The following MYLIP variants were observed in gnomAD, a reference collection of about 807,000 sequenced individuals.
The protein encoded by MYLIP is E3 ubiquitin-protein ligase MYLIP.
MYLIP carries 26 observed loss-of-function variants against 45.8 expected under a neutral mutation model. The ratio of observed to expected loss-of-function variants is 0.57; its 90% confidence interval spans 0.42 to 0.79. The LOEUF (loss-of-function observed/expected upper bound fraction) is 0.79. Ranked by LOEUF, MYLIP falls within the 30% of genes least tolerant of loss-of-function variation. The pLI, the probability that MYLIP is intolerant of heterozygous loss-of-function variation, is 0.00. For missense variants in MYLIP, 494 were observed against 555.6 expected, an observed-to-expected ratio of 0.89 and a Z score of 1.11; for synonymous variants, 213 against 218.1, an observed-to-expected ratio of 0.98 and a Z score of 0.21.
chr6:16,129,455 C>A lies in MYLIP; in HGVS notation c.87+46C>A. The A allele has an allele frequency of 6.5e-7, 1 of 1,532,326 alleles. No homozygotes were observed. The highest frequency in any genetic ancestry group is 1.2e-5 in the South Asian group (1 of 84,058). 94.9% of individuals were successfully genotyped at this position (1,532,326 alleles called of 1,614,324 possible). Reference sequence around the variant, plus strand: ...GGGGCCCCGGCGGGTCCCGCGAGGCCGAGGGGCCTCGCAGCGACGCCTGGC... The same window carrying A: ...GGGGCCCCGGCGGGTCCCGCGAGGCAGAGGGGCCTCGCAGCGACGCCTGGC... On this transcript the variant is annotated intron_variant, in intron 1 of 6. Transcript: ENST00000356840. This position sits in a 1 kb window ranked among gnomAD's most constrained non-coding sequence, Gnocchi z 5.1.
At chr6:16,140,862 C>G (rs1759655868) in intron 2 of MYLIP, among the ~76,000 whole-genome samples, 1 of 150,778 alleles carries the variant, frequency 6.6e-6, no homozygotes, top group African/African-American at 2.5e-5. Flanking sequence ...ATACTAGAAA[C>G]AAGCAGCATG....
the MYLIP span, among the ~76,000 whole-genome samples, chr6:16,159,261 G>A: frequency 6.6e-6 from 1 of 152,286 alleles, no homozygotes; most frequent in African/African-American, 2.4e-5. Flanking sequence ...GTGAGGAGTG[G>A]GGAGACTTTC....
chr6:16,130,731 T>C lies in MYLIP; in HGVS notation c.262T>C (p.Leu88=). ...GTTCTTCGTGGAGCCTCATCTCATC[T>C]TACAGGAGCAGACTAGGTAAAGTGA... is the stretch of plus-strand genomic sequence containing the variant. ...VKFFVEPHLI[L]QEQTRHIFFL... Residue 88 remains leucine, a synonymous_variant, in exon 2 of 7, where the codon TTA becomes CTA. Coordinates refer to ENST00000356840, the MANE Select transcript of MYLIP (RefSeq NM_013262.4). The C allele has an allele frequency of 6.2e-7, 1 of 1,613,960 alleles. No individual in the cohort carries two copies. The highest frequency in any genetic ancestry group is 8.5e-7 in the Non-Finnish European group (1 of 1,179,930).
chr6:16,153,903 T>C, the MYLIP span, among the ~76,000 whole-genome samples: 1 of 152,198 alleles, frequency 6.6e-6, no homozygotes, highest in Admixed American at 6.5e-5. Context: ...CTCTTCTAAA[T>C]GCAAGTGTAA....
In MYLIP at chr6:16,143,868, G is replaced by T; in HGVS notation, c.827+5G>T. ...AGAGACGCACGCATTCTACAGGCAC[G>T]TATCTCGTGTGCTTGGTCACCTCAG... is the stretch of plus-strand genomic sequence containing the variant. On this transcript the variant is annotated splice_donor_5th_base_variant and intron_variant, in intron 5 of 6. Coordinates refer to ENST00000356840, the MANE Select transcript of MYLIP (RefSeq NM_013262.4). 2 of 1,611,026 alleles carry T rather than the reference G, an allele frequency of 1.2e-6. No individual in the cohort carries two copies. Among genetic ancestry groups the T allele is most frequent in the South Asian group, 1.1e-5 (1 of 90,892 alleles).
At position 16,144,934 on chromosome 6, in the gene MYLIP, A is replaced by G; in HGVS notation, c.865A>G (p.Ser289Gly). 6.2e-7 allele frequency: 1 copy of G among 1,614,214 alleles called. No individual in the cohort carries two copies. The highest frequency in any genetic ancestry group is 8.5e-7 in the Non-Finnish European group (1 of 1,180,026). Residue 289 changes from serine to glycine, a missense_variant, in exon 6 of 7, where the codon AGC becomes GGC. Physicochemically the swap from Ser to Gly is moderately conservative, Grantham distance 56. Transcript: ENST00000356840. Reference sequence around the variant, plus strand: ...GACCAGCGCCGTGATGATGCAGTATAGCCGTGACTTGAAGGGCCACTTGGC... The same window carrying G: ...GACCAGCGCCGTGATGATGCAGTATGGCCGTGACTTGAAGGGCCACTTGGC... Reference protein sequence around the residue: ...TVTSAVMMQYSRDLKGHLASL... With the variant: ...TVTSAVMMQYGRDLKGHLASL...
Position 16,146,856 on chromosome 6 carries a change from C to G in MYLIP, c.*105C>G. The G allele has an allele frequency of 1.1e-6, 1 of 926,330 alleles. No homozygotes were observed. Among genetic ancestry groups the G allele is most frequent in the Non-Finnish European group, 1.6e-6 (1 of 638,686 alleles). 57.4% of individuals were successfully genotyped at this position (926,330 alleles called of 1,614,324 possible). Reference sequence around the variant, plus strand: ...AAGTAATTATTCCAACACCCATCTGCCATGCGATGTTAAAAAAAAAAAAAA... The same window carrying G: ...AAGTAATTATTCCAACACCCATCTGGCATGCGATGTTAAAAAAAAAAAAAA... On this transcript the variant is annotated 3_prime_UTR_variant, in exon 7 of 7. Transcript: ENST00000356840.
At chr6:16,134,797 A>G (rs1411882959) in intron 2 of MYLIP, among the ~76,000 whole-genome samples, 1 of 152,002 alleles carries the variant, frequency 6.6e-6, no homozygotes, top group Non-Finnish European at 1.5e-5. Context: ...TTCTGATATA[A>G]TTTTTTCTTT....
chr6:16,162,686 CATGCCTATA>C, the MYLIP span, among the ~76,000 whole-genome samples: 1 of 149,546 alleles, frequency 6.7e-6, no homozygotes, highest in African/African-American at 2.5e-5. Context: ...CATGGTGGCT[CATGCCTATA>C]ATCCCGGCAC....
chr6:16,157,599 A>G, the MYLIP span, among the ~76,000 whole-genome samples: 2 of 152,242 alleles, frequency 1.3e-5, no homozygotes, highest in African/African-American at 4.8e-5. Flanking sequence ...TCATCTCTCC[A>G]TCACCCCAGA....
At chr6:16,160,515 G>A in the MYLIP span, among the ~76,000 whole-genome samples, 51,129 of 152,036 alleles carry the variant, frequency 0.34, 10,803 homozygotes, top group East Asian at 0.72. Flanking sequence ...AGGTGTGAAG[G>A]TCTGGGCCGG....
the MYLIP span, among the ~76,000 whole-genome samples, chr6:16,156,444 GGAGA>G: frequency 6.6e-6 from 1 of 152,212 alleles, no homozygotes; most frequent in Admixed American, 6.5e-5. Flanking sequence ...TTCAATGGCA[GGAGA>G]GTGAAGGTGG....
At chr6:16,151,165 C>G (rs1759873855), downstream of MYLIP, among the ~76,000 whole-genome samples, 1 of 151,208 alleles carries the variant, frequency 6.6e-6, no homozygotes, top group Admixed American at 6.6e-5. Flanking sequence ...CTGGCTAACA[C>G]AGTGAAACCC....
chr6:16,142,946 G>T, intron 3 of MYLIP, 74 bp from the exon 4 acceptor site: 5 of 1,428,280 alleles, frequency 3.5e-6, no homozygotes, highest in East Asian at 5.0e-5. Flanking sequence ...TATTTCACTC[G>T]TGAAGACTAC....
In MYLIP at chr6:16,129,555, A is replaced by G. The variant is rs1443052630; in HGVS notation, c.87+146A>G. On this transcript the variant is annotated intron_variant, in intron 1 of 6. Transcript: ENST00000356840. The surrounding 1 kb of genome is among the most constrained non-coding windows in gnomAD (Gnocchi z 5.1). Reference sequence around the variant, plus strand: ...GGGGGGAGCGCGTCCCCTCCTCTCCACGGGCGTGGGGCGCGCGGTCTCCTC... The same window carrying G: ...GGGGGGAGCGCGTCCCCTCCTCTCCGCGGGCGTGGGGCGCGCGGTCTCCTC... 13 of 754,906 alleles carry G rather than the reference A, an allele frequency of 1.7e-5. No homozygotes were observed. Among genetic ancestry groups the G allele is most frequent in the Non-Finnish European group, 2.7e-5 (13 of 489,668 alleles). 46.8% of individuals were successfully genotyped at this position (754,906 alleles called of 1,614,324 possible). A position where few individuals can be genotyped will look rare whatever the true frequency, so the allele number is the denominator to read the frequency against.
At chr6:16,141,157 T>C (rs1406056884) in intron 2 of MYLIP, among the ~76,000 whole-genome samples, 1 of 152,078 alleles carries the variant, frequency 6.6e-6, no homozygotes, top group African/African-American at 2.4e-5. Flanking sequence ...CTATAGGAGA[T>C]TGGACATTTT....
chr6:16,157,051 T>A, the MYLIP span, among the ~76,000 whole-genome samples: 1 of 152,192 alleles, frequency 6.6e-6, no homozygotes, highest in Non-Finnish European at 1.5e-5. Context: ...CCATCTCAGG[T>A]CCCTGTCCCA....
intron 2 of MYLIP, among the ~76,000 whole-genome samples, chr6:16,139,848 G>A (rs1007593276): frequency 1.3e-5 from 2 of 151,786 alleles, no homozygotes; most frequent in Non-Finnish European, 2.9e-5. Context: ...CTTTACACGG[G>A]CTTTGAAAAA....
At chr6:16,145,691 G>T (rs903058255) in intron 6 of MYLIP, among the ~76,000 whole-genome samples, 2 of 151,992 alleles carry the variant, frequency 1.3e-5, no homozygotes, top group Non-Finnish European at 2.9e-5. Context: ...TAGGAGGATG[G>T]TCTTTATTAC....
Sources: gnomAD v4.1 joint callset for allele counts (sites outside exome capture counted in the v4.1 genomes callset) on GRCh38, gnomAD v4.1.1 for gene constraint, Gnocchi (gnomAD v3.1) non-coding constraint, MANE v1.5 for transcripts, NCBI Gene and HGNC (gene_info 2026-07-23, HGNC 2026-07-21) for gene names.